The following FAN1 variants were observed in gnomAD, a reference collection of about 807,000 sequenced individuals.
FAN1 encodes FANCD2 and FANCI associated nuclease 1.
A neutral mutation model predicts 104.9 loss-of-function variants in FAN1; 91 were observed. The observed-to-expected ratio is 0.87, with a 90% CI of 0.73 to 1.03. The LOEUF (loss-of-function observed/expected upper bound fraction) is 1.03. Ranked by LOEUF, FAN1 falls within the 50% of genes least tolerant of loss-of-function variation. The pLI is 0.00. For synonymous variants in FAN1, 478 were observed against 457.6 expected, an observed-to-expected ratio of 1.04 and a Z score of -0.57; for missense variants, 1,263 against 1,239.9, an observed-to-expected ratio of 1.02 and a Z score of -0.28.
chr15:30,928,641 C>T lies in FAN1; in HGVS notation c.2577C>T (p.Phe859=), dbSNP rs746985218. 1.9e-5 allele frequency: 30 copies of T among 1,613,636 alleles called. No individual in the cohort carries two copies. The African/African-American group carries it at 3.6e-4, about 19-fold the overall frequency. Residue 859 remains phenylalanine, a synonymous_variant, in exon 11 of 15, where the codon TTC becomes TTT. Coordinates refer to ENST00000362065, the MANE Select transcript of FAN1 (RefSeq NM_014967.5). Reference sequence around the variant, plus strand: ...TCATGGATGGGATTCCGGATGTCTTCAGAAACGCCTGTCAGGTACTCCAGT... The same window carrying T: ...TCATGGATGGGATTCCGGATGTCTTTAGAAACGCCTGTCAGGTACTCCAGT... The part of the protein sequence containing the change: ...IIFMDGIPDV[F]RNACQAFPLD...
intron 5 of FAN1, 48 bp from the exon 6 acceptor site, chr15:30,918,116 A>T: frequency 6.2e-7 from 1 of 1,606,354 alleles, no homozygotes; most frequent in African/African-American, 1.3e-5. Context: ...TGGTCATTCT[A>T]TGGGAATGCT....
Position 30,905,866 on chromosome 15 carries a change from G to A in FAN1, c.1203G>A (p.Lys401=), listed in dbSNP as rs533557550. 3.1e-6 allele frequency: 5 copies of A among 1,613,454 alleles called. No homozygotes were observed. The African/African-American group carries it at 4.0e-5, about 13-fold the overall frequency. Residue 401 remains lysine (K), a synonymous_variant, in exon 2 of 15, where the codon AAG becomes AAA. Coordinates refer to ENST00000362065, the MANE Select transcript of FAN1 (RefSeq NM_014967.5). The stretch of plus-strand genomic sequence containing the variant: ...TGTTGCTCTTTGATGAGCAGGAGAA[G>A]GGAATTGTAACTAAATTTTATCAGT... ...DDMLLFDEQE[K]GIVTKFYQLS...
Position 30,926,820 on chromosome 15 carries a change from C to T in FAN1, c.2488+881C>T, listed in dbSNP as rs113691715. The T allele has an allele frequency of 5.1e-6, 5 of 985,296 alleles. No homozygotes were observed. In the African/African-American group the frequency reaches 8.7e-5, roughly 17 times the overall value. 61.0% of individuals were successfully genotyped at this position (985,296 alleles called of 1,614,324 possible). On this transcript the variant is annotated intron_variant, in intron 10 of 14. Coordinates refer to ENST00000362065, the MANE Select transcript of FAN1 (RefSeq NM_014967.5). The stretch of plus-strand genomic sequence containing the variant: ...CCATGAGCCTGAAAAACACACGATT[C>T]CTTTCCCAGAGTAGAAACTATTTTT...
intron 12 of FAN1, among the ~76,000 whole-genome samples, chr15:30,929,764 A>G (rs1422730675): frequency 2.0e-5 from 1 of 49,660 alleles, no homozygotes; most frequent in South Asian, 6.5e-4. Context: ...TATAATATAT[A>G]AAATATATAA....
At chr15:30,912,997 A>G (rs748627178) in intron 4 of FAN1, among the ~76,000 whole-genome samples, 63 of 152,286 alleles carry the variant, frequency 4.1e-4, no homozygotes, top group Non-Finnish European at 6.2e-4. Flanking sequence ...ATTCACTCCA[A>G]TGTTATCCTA....
intron 5 of FAN1, among the ~76,000 whole-genome samples, 163 bp from the exon 6 acceptor site, chr15:30,918,001 A>C (rs1444265480): frequency 1.3e-5 from 2 of 152,214 alleles, no homozygotes; most frequent in Non-Finnish European, 1.5e-5. Context: ...GGGCCACTCC[A>C]GTGATTTGGT....
chr15:30,928,291 C>T, intron 10 of FAN1: 2 of 1,257,338 alleles, frequency 1.6e-6, no homozygotes, highest in Non-Finnish European at 1.0e-6. Context: ...AGAACCACTG[C>T]TTTGTGGCTT....
In FAN1 at chr15:30,943,025, T is replaced by G. The variant is rs1163870419; in HGVS notation, c.*1463T>G. On this transcript the variant is annotated 3_prime_UTR_variant, in exon 15 of 15. Transcript: ENST00000362065. ...ACCAGTCCCAAACAGAGGGGAATTT[T>G]AAGCCCTTCTCATCACCCAATTGGA... The G allele has an allele frequency of 6.4e-7, 1 of 1,550,548 alleles. No individual in the cohort carries two copies. Among genetic ancestry groups the G allele is most frequent in the East Asian group, 2.4e-5 (1 of 40,964 alleles).
chr15:30,917,729 ATCT>A lies in FAN1; in HGVS notation c.1812-430_1812-428del, dbSNP rs201726427. ...TAGTTATTTTGAAATATTCCAGGTA[ATCT>A]TCTTAGCTTGGGCAGCATCCCTCTG... On this transcript the variant is annotated intron_variant, in intron 5 of 14. Transcript: ENST00000362065. Among the ~76,000 whole-genome samples, 648 of 152,284 alleles carry A rather than the reference ATCT, an allele frequency of 4.3e-3. 6 individuals carry two copies. Among genetic ancestry groups the A allele is most frequent in the African/African-American group, 0.015 (608 of 41,562 alleles).
At chr15:30,926,039 T>A in intron 10 of FAN1, 100 bp downstream of exon 10, 2 of 1,217,614 alleles carry the variant, frequency 1.6e-6, no homozygotes, top group Non-Finnish European at 2.4e-6. Flanking sequence ...CTCTCTGTCC[T>A]CTGCTCACAG....
chr15:30,911,974 A>T (rs899483809), intron 4 of FAN1, among the ~76,000 whole-genome samples: 2 of 151,750 alleles, frequency 1.3e-5, no homozygotes, highest in Non-Finnish European at 2.9e-5. Context: ...AGTCAGGAGA[A>T]TTGCCTGAAC....
intron 14 of FAN1, chr15:30,941,247 G>A (rs775655396): frequency 1.4e-6 from 2 of 1,449,212 alleles, no homozygotes; most frequent in South Asian, 2.4e-5. Context: ...GGTTACAAGA[G>A]CCAGACCTGT....
rs1241095430 is a variant in FAN1 at position 30,925,716 on chromosome 15, C to T, written c.2338-73C>T. The T allele has an allele frequency of 1.8e-5, 28 of 1,542,016 alleles. No homozygotes were observed. In the Admixed American group the frequency reaches 3.1e-4, roughly 17 times the overall value. Reference sequence around the variant, plus strand: ...TTGTGGTAAGGGAGGTCAATCCTCACGATGCTACAGGCAGGTTTTCAGGGA... The same window carrying T: ...TTGTGGTAAGGGAGGTCAATCCTCATGATGCTACAGGCAGGTTTTCAGGGA... On this transcript the variant is annotated intron_variant, in intron 9 of 14. Coordinates refer to ENST00000362065, the MANE Select transcript of FAN1 (RefSeq NM_014967.5).
chr15:30,910,920 T>A (rs2062086529), intron 4 of FAN1, 105 bp downstream of exon 4: 2 of 1,420,956 alleles, frequency 1.4e-6, no homozygotes, highest in Non-Finnish European at 1.8e-6. Flanking sequence ...TTATTTCAGT[T>A]GTAGTTAGAT....
chr15:30,907,636 A>C (rs1452121163), intron 2 of FAN1, among the ~76,000 whole-genome samples: 1 of 152,254 alleles, frequency 6.6e-6, no homozygotes, highest in Non-Finnish European at 1.5e-5. Flanking sequence ...AATGTTGGAA[A>C]TTTTCAAAAT....
chr15:30,924,325 G>A (rs369166280), intron 8 of FAN1, among the ~76,000 whole-genome samples: 1 of 152,130 alleles, frequency 6.6e-6, no homozygotes, highest in East Asian at 1.9e-4. Flanking sequence ...TCAGTCCCTG[G>A]TTTCAATTCT....
At chr15:30,926,328 G>A (rs1038739973) in intron 10 of FAN1, among the ~76,000 whole-genome samples, 2 of 152,192 alleles carry the variant, frequency 1.3e-5, no homozygotes, top group African/African-American at 4.8e-5. Context: ...CCTCTCAGGG[G>A]CCCTGCGGCC....
rs1314454078 is a variant in FAN1 at position 30,930,569 on chromosome 15, TG to T, written c.2815del (p.Val939CysfsTer50). On this transcript the variant is annotated frameshift_variant, in exon 13 of 15. Transcript: ENST00000362065. LOFTEE classifies it high-confidence loss of function. ...ATCTTGTCTCCTGCCTGGGGGGCCC[TG>T]TGCTCAGTGGTGTGTGCAGGCACCT... ...QDLVSCLGGP[V>X]LSGVCRHLAA... The T allele has an allele frequency of 6.2e-7, 1 of 1,604,772 alleles. No individual in the cohort carries two copies. The highest frequency in any genetic ancestry group is 1.3e-5 in the African/African-American group (1 of 74,268).
intron 12 of FAN1, 47 bp downstream of exon 12, chr15:30,929,444 GC>G: frequency 1.4e-6 from 2 of 1,465,362 alleles, no homozygotes; most frequent in Non-Finnish European, 9.3e-7. Flanking sequence ...AGTTAACACC[GC>G]CCCAGTGCTG....
Sources: gnomAD v4.1 joint callset for allele counts (sites outside exome capture counted in the v4.1 genomes callset) on GRCh38, gnomAD v4.1.1 for gene constraint, MANE v1.5 for transcripts, NCBI Gene and HGNC (gene_info 2026-07-23, HGNC 2026-07-21) for gene names.